The following CSMD1 variants were observed in gnomAD, a reference collection of about 807,000 sequenced individuals.
The protein encoded by CSMD1 is CUB and sushi domain-containing protein 1.
A neutral mutation model predicts 417.5 loss-of-function variants in CSMD1; 213 were observed. That is an observed-to-expected ratio of 0.51 (90% CI 0.46 to 0.57). The LOEUF is 0.57. Ranked by LOEUF, CSMD1 falls within the 20% of genes least tolerant of loss-of-function variation. The probability of loss-of-function intolerance (pLI) is 0.00; values close to 1 mark genes in which losing one functional copy is unlikely to be tolerated. For missense variants in CSMD1, 6,923 were observed against 4,529.7 expected, an observed-to-expected ratio of 1.53 and a Z score of -15.17; for synonymous variants, 2,862 against 1,736.8, an observed-to-expected ratio of 1.65 and a Z score of -16.11.
At chr8:4,958,880 T>G (rs1481375205) in intron 1 of CSMD1, among the ~76,000 whole-genome samples, 2 of 152,164 alleles carry the variant, frequency 1.3e-5, no homozygotes, top group Non-Finnish European at 2.9e-5. Context: ...TTTATTGACT[T>G]CTCATTCCTT....
At chr8:4,893,915 T>C (rs192368076) in intron 1 of CSMD1, among the ~76,000 whole-genome samples, 21 of 152,256 alleles carry the variant, frequency 1.4e-4, no homozygotes, top group African/African-American at 5.1e-4. Flanking sequence ...GGGCAATGTC[T>C]TTTTCGCAAA....
intron 5 of CSMD1, among the ~76,000 whole-genome samples, chr8:3,761,592 C>A (rs1584957554): frequency 6.7e-6 from 1 of 148,280 alleles, no homozygotes; most frequent in East Asian, 2.0e-4. Flanking sequence ...TGCATCCTCT[C>A]CCCACCAGGT....
chr8:3,646,589 C>A (rs945261996), intron 7 of CSMD1, among the ~76,000 whole-genome samples: 1 of 152,184 alleles, frequency 6.6e-6, no homozygotes, highest in Non-Finnish European at 1.5e-5. Context: ...AGTAGGACCG[C>A]CCAAAGTAGC....
At chr8:3,794,000 C>G (rs1411583336) in intron 5 of CSMD1, among the ~76,000 whole-genome samples, 4 of 152,170 alleles carry the variant, frequency 2.6e-5, no homozygotes, top group Admixed American at 6.5e-5. Flanking sequence ...TCCTGAACCC[C>G]TGCTTATCCC....
At chr8:4,113,609 T>G (rs1264667882) in intron 3 of CSMD1, among the ~76,000 whole-genome samples, 1 of 152,070 alleles carries the variant, frequency 6.6e-6, no homozygotes, top group African/African-American at 2.4e-5. Flanking sequence ...TTTCACTGTG[T>G]TAGCCAGGAT....
At chr8:2,947,377 A>T (rs1271609599) in intron 68 of CSMD1, among the ~76,000 whole-genome samples, 1 of 152,222 alleles carries the variant, frequency 6.6e-6, no homozygotes, top group East Asian at 1.9e-4. Flanking sequence ...CATCATTCTT[A>T]AATGAATGGT....
chr8:4,197,701 A>C, intron 3 of CSMD1, among the ~76,000 whole-genome samples: 1 of 152,144 alleles, frequency 6.6e-6, no homozygotes, highest in Non-Finnish European at 1.5e-5. Context: ...CAACATAGTG[A>C]AGCTCTGTCT....
intron 1 of CSMD1, among the ~76,000 whole-genome samples, chr8:4,886,114 C>T (rs1006583184): frequency 6.6e-6 from 1 of 152,072 alleles, no homozygotes; most frequent in Admixed American, 6.5e-5. Context: ...CCTCAGCCTC[C>T]TGAGTAGCTG....
At chr8:3,883,312 A>C (rs2627368) in intron 5 of CSMD1, among the ~76,000 whole-genome samples, 5,113 of 152,244 alleles carry the variant, frequency 0.034, 293 homozygotes, top group African/African-American at 0.12. Context: ...GAACGACATA[A>C]TATAATACAC....
chr8:3,218,185 C>T (rs1055855917), intron 29 of CSMD1, among the ~76,000 whole-genome samples: 5 of 152,138 alleles, frequency 3.3e-5, no homozygotes, highest in African/African-American at 9.7e-5. Context: ...CTCTGAGCAG[C>T]GTCAGAAACC....
At chr8:4,285,071 G>A (rs1275504890) in intron 3 of CSMD1, among the ~76,000 whole-genome samples, 3 of 152,168 alleles carry the variant, frequency 2.0e-5, no homozygotes, top group Non-Finnish European at 2.9e-5. Context: ...TCAGAATGAT[G>A]CCTAGTGTGT....
intron 1 of CSMD1, among the ~76,000 whole-genome samples, chr8:4,885,420 G>A (rs892442738): frequency 2.0e-5 from 3 of 151,958 alleles, no homozygotes; most frequent in Admixed American, 1.3e-4. Flanking sequence ...CTGATCTTAG[G>A]GGGAAAGCGT....
Position 3,957,920 on chromosome 8 carries a change from T to G in CSMD1, c.818+39983A>C, listed in dbSNP as rs142837656. 1.2e-4 allele frequency among the ~76,000 whole-genome samples: 18 copies of G among 152,302 alleles called. No individual in the cohort carries two copies. In the East Asian group the frequency reaches 3.3e-3, roughly 28 times the overall value. On this transcript the variant is annotated intron_variant, in intron 5 of 69. Transcript: ENST00000635120. ...AATCTCCTTTGTTTGGCTGGTGATCTACTTCTCAGGGCAGCAAATCCTGCA... is the reference window on the plus strand; with the variant it reads ...AATCTCCTTTGTTTGGCTGGTGATCGACTTCTCAGGGCAGCAAATCCTGCA...
intron 6 of CSMD1, among the ~76,000 whole-genome samples, chr8:3,753,612 T>C (rs575838921): frequency 2.0e-5 from 3 of 152,328 alleles, no homozygotes; most frequent in East Asian, 1.9e-4. Context: ...GTAAATACAA[T>C]AGCCAAACTG....
At chr8:3,020,178 A>G (rs958022119) in intron 51 of CSMD1, among the ~76,000 whole-genome samples, 3 of 152,212 alleles carry the variant, frequency 2.0e-5, no homozygotes, top group African/African-American at 7.2e-5. Context: ...AATAGCTCCT[A>G]CTGCATAGGC....
rs139476439 is a variant in CSMD1 at position 4,496,034 on chromosome 8, T to C, written c.303-75969A>G. On this transcript the variant is annotated intron_variant, in intron 2 of 69. Transcript: ENST00000635120. ...TCCTACAGAGATACTTAATGTGGTC[T>C]TAATTGGCACTGTTTTCTTTTTCTT... 4.4e-3 allele frequency among the ~76,000 whole-genome samples: 671 copies of C among 152,320 alleles called. 8 individuals are homozygous for C. The highest frequency in any genetic ancestry group is 0.015 in the African/African-American group (631 of 41,576).
intron 4 of CSMD1, among the ~76,000 whole-genome samples, chr8:4,010,265 A>C (rs1331468067): frequency 6.6e-6 from 1 of 151,900 alleles, no homozygotes; most frequent in Non-Finnish European, 1.5e-5. Flanking sequence ...TCCCTCCCTC[A>C]TGTGCCCAGC....
intron 3 of CSMD1, among the ~76,000 whole-genome samples, chr8:4,387,722 C>G (rs957331900): frequency 4.0e-5 from 6 of 151,882 alleles, no homozygotes; most frequent in African/African-American, 1.2e-4. Flanking sequence ...TTTATTTTAG[C>G]TAAAATAGAC....
chr8:4,691,863 A>G (rs1194841505), intron 1 of CSMD1, among the ~76,000 whole-genome samples: 2 of 152,212 alleles, frequency 1.3e-5, no homozygotes, highest in African/African-American at 4.8e-5. Context: ...CACACTTCTC[A>G]AACACACTCC....
Sources: gnomAD v4.1 joint callset for allele counts (sites outside exome capture counted in the v4.1 genomes callset) on GRCh38, gnomAD v4.1.1 for gene constraint, MANE v1.5 for transcripts, NCBI Gene and HGNC (gene_info 2026-07-23, HGNC 2026-07-21) for gene names.